Variants in ADARB2 observed in about 807,000 individuals in gnomAD.
ADARB2 encodes the protein inactive double-stranded RNA-specific editase B2.
A neutral mutation model predicts 62.2 loss-of-function variants in ADARB2; 25 were observed. That is an observed-to-expected ratio of 0.40 (90% CI 0.29 to 0.56). The LOEUF is 0.56. Ranked by LOEUF, ADARB2 falls within the 20% of genes least tolerant of loss-of-function variation. ADARB2 has a pLI of 0.43. For synonymous variants in ADARB2, 572 were observed against 500.8 expected (o/e 1.14, Z -1.90); for missense variants, 1,071 against 1,077.4 (o/e 0.99, Z 0.08).
At chr10:1,393,169 T>C (rs1244207405) in intron 1 of ADARB2, among the ~76,000 whole-genome samples, 1 of 152,228 alleles carries the variant, frequency 6.6e-6, no homozygotes, top group Non-Finnish European at 1.5e-5. Context: ...CCATTTTTCA[T>C]GGTTTAATTT....
intron 1 of ADARB2, among the ~76,000 whole-genome samples, chr10:1,552,565 T>A (rs1009307040): frequency 1.3e-5 from 2 of 151,418 alleles, no homozygotes; most frequent in African/African-American, 4.9e-5. Flanking sequence ...TCAACACATC[T>A]ACTGGGGACA....
intron 1 of ADARB2, among the ~76,000 whole-genome samples, chr10:1,449,245 G>A (rs566359530): frequency 5.1e-4 from 78 of 152,268 alleles, no homozygotes; most frequent in East Asian, 1.9e-4. Context: ...ACTCTGCCTC[G>A]GTCAGGGCTG....
chr10:1,661,199 T>A (rs1834242743), intron 1 of ADARB2, among the ~76,000 whole-genome samples: 1 of 152,184 alleles, frequency 6.6e-6, no homozygotes, highest in Admixed American at 6.5e-5. Context: ...GTGAAGCCAC[T>A]TTTCATGTTT....
intron 2 of ADARB2, among the ~76,000 whole-genome samples, chr10:1,373,348 G>A (rs539458432): frequency 5.8e-4 from 88 of 151,652 alleles, no homozygotes; most frequent in Middle Eastern, 6.8e-3. Flanking sequence ...ACACACACAC[G>A]CGCGTCTTGT....
chr10:1,489,344 T>C (rs572456885), intron 1 of ADARB2, among the ~76,000 whole-genome samples: 2 of 151,756 alleles, frequency 1.3e-5, no homozygotes, highest in African/African-American at 2.4e-5. Flanking sequence ...CGGATGCACC[T>C]GACCTTCCCT....
chr10:1,586,028 C>T (rs949397438), intron 1 of ADARB2, among the ~76,000 whole-genome samples: 2 of 152,098 alleles, frequency 1.3e-5, no homozygotes, highest in African/African-American at 2.4e-5. Context: ...AGCGAGACTC[C>T]ATCTCAAACA....
intron 3 of ADARB2, among the ~76,000 whole-genome samples, chr10:1,339,797 C>T (rs916237294): frequency 2.0e-5 from 3 of 152,186 alleles, no homozygotes; most frequent in African/African-American, 7.2e-5. Context: ...CACCCGTGAC[C>T]AAGTGCAGAC....
intron 1 of ADARB2, among the ~76,000 whole-genome samples, chr10:1,416,573 G>A (rs1465239217): frequency 6.6e-6 from 1 of 152,368 alleles, no homozygotes; most frequent in East Asian, 1.9e-4. Flanking sequence ...CAGGTAACTG[G>A]CTGGGATCCA....
intron 1 of ADARB2, among the ~76,000 whole-genome samples, chr10:1,717,007 T>TTATTCTGATCAC (rs1835026695): frequency 6.6e-6 from 1 of 151,870 alleles, no homozygotes; most frequent in Admixed American, 6.6e-5. Context: ...CACACATTCA[T>TTATTCTGATCAC]GTTATTCTGA....
chr10:1,705,653 A>C (rs563012890), intron 1 of ADARB2, among the ~76,000 whole-genome samples: 33 of 152,226 alleles, frequency 2.2e-4, no homozygotes, highest in Admixed American at 5.9e-4. Context: ...AAGGTGAAGC[A>C]ATCTATTTAT....
chr10:1,263,377 A>C lies in ADARB2; in HGVS notation c.1192+7578T>G, dbSNP rs563296145. Among the ~76,000 whole-genome samples the C allele has an allele frequency of 1.1e-4, 17 of 152,242 alleles. 1 individual carries two copies. Among genetic ancestry groups the C allele is most frequent in the South Asian group, 8.3e-4 (4 of 4,832 alleles). Reference sequence around the variant, plus strand: ...TGCCTGGCATGCAGGTAAACACTGGATGCTAGTGTCCTTTATTTTTTCACC... The same window carrying C: ...TGCCTGGCATGCAGGTAAACACTGGCTGCTAGTGTCCTTTATTTTTTCACC... On this transcript the variant is annotated intron_variant, in intron 4 of 9. Transcript: ENST00000381312.
At chr10:1,230,049 G>A (rs1468246271) in intron 6 of ADARB2, among the ~76,000 whole-genome samples, 1 of 152,124 alleles carries the variant, frequency 6.6e-6, no homozygotes, top group Non-Finnish European at 1.5e-5. Flanking sequence ...AGGTCCAGAA[G>A]GGGCCAGAGG....
intron 1 of ADARB2, among the ~76,000 whole-genome samples, chr10:1,382,769 G>A: frequency 6.7e-6 from 1 of 150,098 alleles, no homozygotes; most frequent in East Asian, 2.0e-4. Flanking sequence ...CTGCATCACA[G>A]GGCTCCCCAC....
At chr10:1,371,894 CG>C (rs35604868) in intron 2 of ADARB2, among the ~76,000 whole-genome samples, 59,712 of 151,470 alleles carry the variant, frequency 0.39, 12,295 homozygotes, top group Middle Eastern at 0.48. Flanking sequence ...CTATGGAAAA[CG>C]GTACAGAGAT....
chr10:1,471,613 G>C (rs778982037), intron 1 of ADARB2, among the ~76,000 whole-genome samples: 1 of 151,938 alleles, frequency 6.6e-6, no homozygotes, highest in Non-Finnish European at 1.5e-5. Flanking sequence ...GGCTGGTCTT[G>C]AACTCCTGAC....
intron 4 of ADARB2, among the ~76,000 whole-genome samples, chr10:1,258,171 T>C (rs1048376154): frequency 2.0e-5 from 3 of 152,168 alleles, no homozygotes; most frequent in Admixed American, 2.0e-4. Context: ...TCTTGCCCTC[T>C]TTCTTAAGTG....
chr10:1,288,601 G>A (rs1280425108), intron 3 of ADARB2, among the ~76,000 whole-genome samples: 2 of 152,244 alleles, frequency 1.3e-5, no homozygotes, highest in Admixed American at 6.5e-5. Context: ...GCTGAGGAGA[G>A]AGAAGAGATG....
At chr10:1,685,411 T>A (rs1466727551) in intron 1 of ADARB2, among the ~76,000 whole-genome samples, 1 of 152,188 alleles carries the variant, frequency 6.6e-6, no homozygotes, top group Admixed American at 6.5e-5. Context: ...CTTTCCCCCT[T>A]CTTCTCTTTC....
chr10:1,364,294 C>T lies in ADARB2; in HGVS notation c.188-377G>A, dbSNP rs560351540. Among the ~76,000 whole-genome samples, 68 of 152,298 alleles carry T rather than the reference C, an allele frequency of 4.5e-4. 2 individuals are homozygous for T. The highest frequency in any genetic ancestry group is 3.5e-3 in the Admixed American group (53 of 15,308). ...GGTCTAGTGTCCCCCTTCCCACCTG[C>T]TACAGGGACCTCCAGGCCCGGTGCC... On this transcript the variant is annotated intron_variant, in intron 2 of 9. Coordinates refer to ENST00000381312, the MANE Select transcript of ADARB2 (RefSeq NM_018702.4).
Sources: gnomAD v4.1 joint callset for allele counts (sites outside exome capture counted in the v4.1 genomes callset) on GRCh38, gnomAD v4.1.1 for gene constraint, MANE v1.5 for transcripts, NCBI Gene and HGNC (gene_info 2026-07-23, HGNC 2026-07-21) for gene names.